Variants in FRMPD1 observed in about 807,000 individuals in gnomAD.
FRMPD1 encodes the protein FERM and PDZ domain containing 1, also known as FERM and PDZ domain-containing protein 1.
FRMPD1 carries 76 observed loss-of-function variants against 117.8 expected under a neutral mutation model. The ratio of observed to expected loss-of-function variants is 0.65; its 90% confidence interval spans 0.54 to 0.78. FRMPD1 has a LOEUF of 0.78. Ranked by LOEUF, FRMPD1 falls within the 30% of genes least tolerant of loss-of-function variation. The probability of loss-of-function intolerance (pLI) is 0.00; values close to 1 mark genes in which losing one functional copy is unlikely to be tolerated. For synonymous variants in FRMPD1, 783 were observed against 770.4 expected (o/e 1.02, Z -0.27); for missense variants, 1,786 against 1,964.5 (o/e 0.91, Z 1.72).
the FRMPD1 span, among the ~76,000 whole-genome samples, chr9:37,634,065 T>C: frequency 2.0e-5 from 3 of 152,212 alleles, no homozygotes; most frequent in Admixed American, 6.5e-5. Context: ...TGCCTCCACA[T>C]TTCTAAATCA....
intron 1 of FRMPD1, among the ~76,000 whole-genome samples, chr9:37,653,323 A>C (rs892568194): frequency 6.6e-6 from 1 of 152,232 alleles, no homozygotes; most frequent in Admixed American, 6.5e-5. Flanking sequence ...CAGAGGGTTC[A>C]TGGGCAAGCT....
intron 2 of FRMPD1, among the ~76,000 whole-genome samples, chr9:37,695,921 C>T (rs1428596860): frequency 1.3e-5 from 2 of 152,120 alleles, no homozygotes; most frequent in South Asian, 4.2e-4. Flanking sequence ...CGACCCCACC[C>T]CAAACCATTC....
At chr9:37,631,957 A>C in the FRMPD1 span, among the ~76,000 whole-genome samples, 1 of 152,064 alleles carries the variant, frequency 6.6e-6, no homozygotes, top group Non-Finnish European at 1.5e-5. Flanking sequence ...AATTTTAATG[A>C]TTTTTTTCCT....
chr9:37,610,685 C>T, the FRMPD1 span, among the ~76,000 whole-genome samples: 5 of 151,504 alleles, frequency 3.3e-5, no homozygotes, highest in Non-Finnish European at 5.9e-5. Flanking sequence ...ACCTCCGCCT[C>T]CTGGGTTCAA....
Position 37,746,722 on chromosome 9 carries a change from G to T in FRMPD1, c.4690G>T (p.Ala1564Ser). The T allele has an allele frequency of 1.9e-6, 3 of 1,614,062 alleles. No individual in the cohort carries two copies. Among genetic ancestry groups the T allele is most frequent in the Non-Finnish European group, 2.5e-6 (3 of 1,180,030 alleles). ...LARQCTALTA[A>S]VFCLTQKFRA... The stretch of plus-strand genomic sequence containing the variant: ...CCGTCAGTGCACGGCCCTCACGGCC[G>T]CCGTGTTCTGTTTGACCCAGAAGTT... Residue 1564 changes from alanine (A) to serine (S), a missense_variant, in exon 16 of 16, where the codon GCC becomes TCC. Transcript: ENST00000377765.
chr9:37,656,456 G>A (rs149105114), intron 1 of FRMPD1, among the ~76,000 whole-genome samples: 24 of 152,236 alleles, frequency 1.6e-4, no homozygotes, highest in African/African-American at 5.5e-4. Flanking sequence ...TATTATAAAA[G>A]CGTTCCTTAC....
chr9:37,650,584 G>A (rs1820637121), upstream of FRMPD1, among the ~76,000 whole-genome samples: 1 of 152,190 alleles, frequency 6.6e-6, no homozygotes, highest in Admixed American at 6.5e-5. Flanking sequence ...GGCGTGAGAA[G>A]GGGGTCGTTT....
At chr9:37,723,802 G>C (rs1249423789) in intron 6 of FRMPD1, among the ~76,000 whole-genome samples, 1 of 151,922 alleles carries the variant, frequency 6.6e-6, no homozygotes, top group Non-Finnish European at 1.5e-5. Flanking sequence ...AGACCAGCCT[G>C]GCCAACATGG....
chr9:37,692,805 G>A (rs750144855), intron 2 of FRMPD1, 63 bp downstream of exon 2: 101 of 1,167,818 alleles, frequency 8.6e-5, no homozygotes, highest in Non-Finnish European at 1.2e-4. Flanking sequence ...GGAGGAGCTT[G>A]TGCTGGTCCT....
chr9:37,726,562 G>C (rs1422187826), intron 7 of FRMPD1, among the ~76,000 whole-genome samples: 1 of 152,124 alleles, frequency 6.6e-6, no homozygotes, highest in Non-Finnish European at 1.5e-5. Context: ...GCCAGGCATG[G>C]TGGTGCAAGC....
intron 2 of FRMPD1, among the ~76,000 whole-genome samples, chr9:37,693,800 C>A (rs1326096066): frequency 6.6e-6 from 1 of 152,182 alleles, no homozygotes; most frequent in South Asian, 2.1e-4. Flanking sequence ...ACCCCTTGGA[C>A]CTGGGCTCCT....
At chr9:37,671,204 T>G (rs1410274259) in intron 1 of FRMPD1, among the ~76,000 whole-genome samples, 1 of 152,240 alleles carries the variant, frequency 6.6e-6, no homozygotes, top group African/African-American at 2.4e-5. Flanking sequence ...AGAGCTGTTT[T>G]CCCTCTCACT....
chr9:37,707,142 A>C (rs1822737264), intron 2 of FRMPD1, among the ~76,000 whole-genome samples: 1 of 152,144 alleles, frequency 6.6e-6, no homozygotes, highest in South Asian at 2.1e-4. Flanking sequence ...ACAAAGGTGA[A>C]ACTGCTCTCC....
At chr9:37,687,883 G>T (rs529436237) in intron 1 of FRMPD1, among the ~76,000 whole-genome samples, 2 of 152,250 alleles carry the variant, frequency 1.3e-5, no homozygotes, top group Admixed American at 6.5e-5. Context: ...TTCTGATCTG[G>T]AAAGATATAC....
chr9:37,714,461 G>A (rs1242012487), intron 5 of FRMPD1, among the ~76,000 whole-genome samples: 3 of 152,282 alleles, frequency 2.0e-5, no homozygotes, highest in African/African-American at 7.2e-5. Context: ...GTGCTCTGGA[G>A]GTCTCTCAGG....
chr9:37,648,462 G>A (rs1234523602), upstream of FRMPD1, among the ~76,000 whole-genome samples: 1 of 152,190 alleles, frequency 6.6e-6, no homozygotes, highest in Non-Finnish European at 1.5e-5. Context: ...TCTTCAGCAG[G>A]AGAGTCACTG....
Position 37,701,855 on chromosome 9 carries a change from C to A in FRMPD1, c.102-5561C>A, listed in dbSNP as rs142000616. On this transcript the variant is annotated intron_variant, in intron 2 of 15. Coordinates refer to ENST00000377765, the MANE Select transcript of FRMPD1 (RefSeq NM_014907.3). ...GACCAGTTAGCAGCCTAGTAGAAAC[C>A]TGTCAGTAGGGCTGGTGATGGGGCC... Among the ~76,000 whole-genome samples, 480 of 152,198 alleles carry A rather than the reference C, an allele frequency of 3.2e-3. 2 individuals are homozygous for A. Among genetic ancestry groups the A allele is most frequent in the African/African-American group, 0.011 (454 of 41,534 alleles).
At chr9:37,702,853 C>T (rs1004647837) in intron 2 of FRMPD1, among the ~76,000 whole-genome samples, 1 of 152,178 alleles carries the variant, frequency 6.6e-6, no homozygotes, top group African/African-American at 2.4e-5. Context: ...TTTAGGCCCA[C>T]AATACTTTTT....
intron 1 of FRMPD1, among the ~76,000 whole-genome samples, chr9:37,674,832 C>T (rs67441510): frequency 0.23 from 34,819 of 152,064 alleles, 4,121 homozygotes; most frequent in Middle Eastern, 0.28. Context: ...TTGCCTCTCC[C>T]TGGGTCCCTC....
Sources: allele counts gnomAD v4.1 joint callset (sites outside exome capture counted in the v4.1 genomes callset), GRCh38; gene constraint gnomAD v4.1.1; transcripts MANE v1.5; gene names NCBI Gene and HGNC (gene_info 2026-07-23, HGNC 2026-07-21).